The following SATL1 variants were observed in gnomAD, a reference collection of about 807,000 sequenced individuals.
SATL1 encodes the protein spermidine/spermine N(1)-acetyltransferase-like protein 1.
In SATL1, 47 loss-of-function variants were observed where a neutral mutation model predicts 51.8. The observed-to-expected ratio is 0.91, with a 90% CI of 0.72 to 1.16. SATL1 has a LOEUF of 1.16. Among genes scored for constraint, SATL1 ranks in the 50% most tolerant of loss-of-function variants. SATL1 has a pLI of 0.00. For missense variants in SATL1, 520 were observed against 526.4 expected, an observed-to-expected ratio of 0.99 and a Z score of 0.12; for synonymous variants, 176 against 182.4, an observed-to-expected ratio of 0.97 and a Z score of 0.28.
intron 2 of SATL1, among the ~76,000 whole-genome samples, chrX:85,135,432 T>G (rs1230392801): frequency 9.0e-6 from 1 of 111,545 alleles, no homozygotes; most frequent in Non-Finnish European, 1.9e-5. Flanking sequence ...TACAATTTTG[T>G]TGGGAAAATT....
At chrX:85,220,220 C>T (rs1602922479) in intron 2 of SATL1, among the ~76,000 whole-genome samples, 1 of 110,349 alleles carries the variant, frequency 9.1e-6, no homozygotes. Context: ...CAGTCCTAGC[C>T]AGAGGGGAAT....
At chrX:85,150,234 C>G (rs1457994967) in intron 2 of SATL1, among the ~76,000 whole-genome samples, 1 of 111,446 alleles carries the variant, frequency 9.0e-6, no homozygotes, top group Non-Finnish European at 1.9e-5. Flanking sequence ...ATAAATTCCT[C>G]GACACATACA....
chrX:85,229,718 G>T (rs1258413354), intron 1 of SATL1, among the ~76,000 whole-genome samples: 1 of 111,207 alleles, frequency 9.0e-6, no homozygotes, highest in Non-Finnish European at 1.9e-5. Context: ...ACAATTGTTT[G>T]AACTAATAAA....
At chrX:85,095,653 C>T (rs1413817136) in intron 4 of SATL1, among the ~76,000 whole-genome samples, 5 of 104,904 alleles carry the variant, frequency 4.8e-5, no homozygotes, top group Non-Finnish European at 3.9e-5. Context: ...GGTGAAACCC[C>T]GTCTCTACTA....
At chrX:85,176,263 T>C in intron 2 of SATL1, among the ~76,000 whole-genome samples, 1 of 111,989 alleles carries the variant, frequency 8.9e-6, no homozygotes, top group East Asian at 2.8e-4. Context: ...TAATATATTC[T>C]ATTGGCAAGA....
At chrX:85,194,285 G>A (rs1355436864) in intron 2 of SATL1, among the ~76,000 whole-genome samples, 1 of 111,498 alleles carries the variant, frequency 9.0e-6, no homozygotes, top group Non-Finnish European at 1.9e-5. Context: ...AAAAAGAAGA[G>A]TGCTGTGATC....
At chrX:85,164,723 ATTTTTTT>A (rs200523833) in intron 2 of SATL1, among the ~76,000 whole-genome samples, 1 of 92,989 alleles carries the variant, frequency 1.1e-5, no homozygotes, top group Admixed American at 1.2e-4. Flanking sequence ...TAGGTGATGA[ATTTTTTT>A]TTTTTTTTTT....
In SATL1 at chrX:85,095,000, A is replaced by C. The variant is rs1924658475; in HGVS notation, c.1694-4T>G. ...CCAAAGCCATCTCTGAGTAAATCTGAAATATCAATTCATATATAGGATGTC... is the reference window on the plus strand; with the variant it reads ...CCAAAGCCATCTCTGAGTAAATCTGCAATATCAATTCATATATAGGATGTC... On this transcript the variant is annotated splice_polypyrimidine_tract_variant and splice_region_variant and intron_variant, in intron 4 of 7. Coordinates refer to ENST00000644105, the MANE Select transcript of SATL1 (RefSeq NM_001367857.2). 9.5e-7 allele frequency: 1 copy of C among 1,053,393 alleles called. No individual in the cohort carries two copies. 86.8% of individuals were successfully genotyped at this position (1,053,393 alleles called of 1,213,427 possible). A position where few individuals can be genotyped will look rare whatever the true frequency, so the allele number is the denominator to read the frequency against.
At chrX:85,119,585 C>A (rs1925460187) in intron 2 of SATL1, among the ~76,000 whole-genome samples, 1 of 111,617 alleles carries the variant, frequency 9.0e-6, no homozygotes, top group African/African-American at 3.3e-5. Flanking sequence ...ATAAATATCG[C>A]TTTAAATATT....
chrX:85,217,576 C>A (rs1928075231), intron 2 of SATL1, among the ~76,000 whole-genome samples: 2 of 111,468 alleles, frequency 1.8e-5, no homozygotes, highest in African/African-American at 6.5e-5. Context: ...TAAACTTTTC[C>A]CCAACAAAGC....
At chrX:85,181,606 T>C (rs747942098) in intron 2 of SATL1, among the ~76,000 whole-genome samples, 1 of 110,747 alleles carries the variant, frequency 9.0e-6, no homozygotes, top group African/African-American at 3.3e-5. Context: ...CTGAATGCAA[T>C]CTGCAAAATC....
chrX:85,138,615 C>G (rs755257047), intron 2 of SATL1, among the ~76,000 whole-genome samples: 1 of 112,042 alleles, frequency 8.9e-6, no homozygotes, highest in South Asian at 3.6e-4. Flanking sequence ...TCTGCTCCAG[C>G]TAAATTAATC....
At chrX:85,141,375 C>T (rs932348752) in intron 2 of SATL1, among the ~76,000 whole-genome samples, 11 of 111,806 alleles carry the variant, frequency 9.8e-5, no homozygotes, top group African/African-American at 3.6e-4. Context: ...TACAGCTAAC[C>T]TTAATGTCTT....
chrX:85,182,221 C>A (rs974641626), intron 2 of SATL1, among the ~76,000 whole-genome samples: 13 of 111,192 alleles, frequency 1.2e-4, no homozygotes, highest in African/African-American at 3.3e-4. Flanking sequence ...TATCCTTTAA[C>A]AAATATTTCC....
At chrX:85,227,303 A>G (rs1928294974) in intron 1 of SATL1, among the ~76,000 whole-genome samples, 1 of 111,545 alleles carries the variant, frequency 9.0e-6, no homozygotes, top group Non-Finnish European at 1.9e-5. Context: ...CTTACTTACT[A>G]CTTCACTGAG....
Position 85,121,698 on chromosome X carries a change from T to C in SATL1, c.-312-12418A>G, listed in dbSNP as rs1340172571. Among the ~76,000 whole-genome samples, 4 of 107,525 alleles carry C rather than the reference T, an allele frequency of 3.7e-5. No individual in the cohort carries two copies. In the East Asian group the frequency reaches 1.2e-3, roughly 31 times the overall value. The allele number at this position is 107,525 out of a possible 115,157, so 93.4% of individuals were successfully genotyped here. On this transcript the variant is annotated intron_variant, in intron 2 of 7. Transcript: ENST00000644105. ...TCTTGTCGACCACTCTCCTGCCCCC[T>C]ACCCACCTTAAATTCTATGTGGGGG...
intron 2 of SATL1, among the ~76,000 whole-genome samples, chrX:85,147,266 G>A (rs1602867493): frequency 1.8e-5 from 2 of 113,240 alleles, no homozygotes; most frequent in South Asian, 3.6e-4. Context: ...CAAGGCTGGG[G>A]GAGGGGTGCC....
At chrX:85,156,604 C>A (rs2072598282) in intron 2 of SATL1, among the ~76,000 whole-genome samples, 1 of 108,507 alleles carries the variant, frequency 9.2e-6, no homozygotes, top group Admixed American at 9.9e-5. Context: ...GGTTGATGAT[C>A]AGTAGAGTAC....
chrX:85,192,660 A>G (rs1471696753), intron 2 of SATL1, among the ~76,000 whole-genome samples: 1 of 111,402 alleles, frequency 9.0e-6, no homozygotes, highest in Non-Finnish European at 1.9e-5. Context: ...CTGCTTCCAC[A>G]GCACCTCATA....
Sources: allele counts gnomAD v4.1 joint callset (sites outside exome capture counted in the v4.1 genomes callset), GRCh38; gene constraint gnomAD v4.1.1; transcripts MANE v1.5; gene names NCBI Gene and HGNC (gene_info 2026-07-23, HGNC 2026-07-21).